Variants in NLRX1 observed in about 807,000 individuals in gnomAD.
The protein encoded by NLRX1 is NLR family member X1, also known as NOD-like receptor X1.
Under a neutral mutation model 74.2 loss-of-function variants are expected in NLRX1, and 67 were observed. The observed-to-expected ratio is 0.90, with a 90% CI of 0.74 to 1.11. NLRX1 has a LOEUF of 1.11. Ranked by LOEUF, NLRX1 falls within the 50% of genes least tolerant of loss-of-function variation. NLRX1 has a pLI of 0.00. For missense variants in NLRX1, 1,191 were observed against 1,305.4 expected (o/e 0.91, Z 1.35); for synonymous variants, 506 against 559.1 (o/e 0.91, Z 1.34).
intron 9 of NLRX1, 141 bp from the exon 10 acceptor site, chr11:119,182,977 C>T (rs1948878769): frequency 1.0e-5 from 7 of 688,458 alleles, no homozygotes; most frequent in Non-Finnish European, 1.5e-5. Flanking sequence ...GCAGCCTCCA[C>T]CTCTGGCTCA....
intron 9 of NLRX1, 138 bp from the exon 10 acceptor site, chr11:119,182,980 C>G: frequency 1.4e-6 from 1 of 699,636 alleles, no homozygotes; most frequent in Non-Finnish European, 2.4e-6. Flanking sequence ...GCCTCCACCT[C>G]TGGCTCATTG....
intron 1 of NLRX1, among the ~76,000 whole-genome samples, chr11:119,171,052 A>G (rs1948529959): frequency 6.6e-6 from 1 of 152,206 alleles, no homozygotes; most frequent in Non-Finnish European, 1.5e-5. Context: ...CTGAGGCAGG[A>G]GAATCGCTTG....
In NLRX1 at chr11:119,169,010, C is replaced by A. The variant is rs1466462735; in HGVS notation, c.-341C>A. 1 of 152,250 alleles carries A rather than the reference C, an allele frequency of 6.6e-6. No individual in the cohort carries two copies. Among genetic ancestry groups the A allele is most frequent in the Admixed American group, 6.5e-5 (1 of 15,282 alleles). 9.4% of individuals were successfully genotyped at this position (152,250 alleles called of 1,614,324 possible). A position where few individuals can be genotyped will look rare whatever the true frequency, so the allele number is the denominator to read the frequency against. On this transcript the variant is annotated 5_prime_UTR_variant, in exon 1 of 10. Coordinates refer to ENST00000409109, the MANE Select transcript of NLRX1 (RefSeq NM_001282144.2). ...CCGCCCAGCCGACCCCTCTGGGCCGCGGCCGACGGCTCCCGGAACTGGGCA... is the reference window on the plus strand; with the variant it reads ...CCGCCCAGCCGACCCCTCTGGGCCGAGGCCGACGGCTCCCGGAACTGGGCA...
chr11:119,173,684 C>T lies in NLRX1; in HGVS notation c.435C>T (p.Ala145=), dbSNP rs1383608390. The T allele has an allele frequency of 1.9e-6, 3 of 1,614,094 alleles. No homozygotes were observed. The South Asian group carries it at 3.3e-5, about 18-fold the overall frequency. ...QPPQAGLPPL[A]LSQLFNPDAC... ...CCCAGGCCGGGCTCCCCCCACTGGC[C>T]TTGTCTCAGCTCTTTAACCCGGATG... is the stretch of plus-strand genomic sequence containing the variant. The change falls in exon 5 of 10, where the codon GCC becomes GCT. Residue 145 remains alanine (A), a synonymous_variant. Coordinates refer to ENST00000409109, the MANE Select transcript of NLRX1 (RefSeq NM_001282144.2). The surrounding 1 kb of genome is among the most constrained non-coding windows in gnomAD (Gnocchi z 4.0).
chr11:119,171,302 G>A lies in NLRX1; in HGVS notation c.-48-54G>A, dbSNP rs561858277. The A allele has an allele frequency of 4.5e-5, 58 of 1,285,414 alleles. No individual in the cohort carries two copies. The Admixed American group carries it at 7.5e-4, about 17-fold the overall frequency. The allele number at this position is 1,285,414 out of a possible 1,614,324, so 79.6% of individuals were successfully genotyped here. A position where few individuals can be genotyped will look rare whatever the true frequency, so the allele number is the denominator to read the frequency against. On this transcript the variant is annotated intron_variant, in intron 1 of 9. Transcript: ENST00000409109. ...TCCCTCCTTGGCTGGAATGGGGTTA[G>A]GGGTGCAGGGGAGGAGTGGTGGCAG...
chr11:119,182,925 A>C (rs139534553), intron 9 of NLRX1, among the ~76,000 whole-genome samples, 193 bp from the exon 10 acceptor site: 178 of 151,226 alleles, frequency 1.2e-3, no homozygotes, highest in African/African-American at 2.5e-3. Flanking sequence ...AAAACAAAAA[A>C]AAAAAAGAAT....
In NLRX1 at chr11:119,181,175, C is replaced by T. The variant is rs770408354; in HGVS notation, c.2272C>T (p.Gln758Ter). The T allele has an allele frequency of 2.5e-6, 4 of 1,613,294 alleles. No homozygotes were observed. Among genetic ancestry groups the T allele is most frequent in the Non-Finnish European group, 2.5e-6 (3 of 1,179,688 alleles). ...TCTGGCCACCTTCTGCTCCAGCTTG[C>T]AACTCAACAGCCTGGGCCCTGAGGC... is the stretch of plus-strand genomic sequence containing the variant. The part of the protein sequence containing the change: ...VFLRARKLGL[Q>*]LNSLGPEACK... Residue 758 changes from glutamine (Q) to a stop codon, truncating the protein, a stop_gained, in exon 8 of 10, where the codon CAA becomes TAA. Transcript: ENST00000409109. LOFTEE classifies it high-confidence loss of function.
chr11:119,176,018 G>C (rs959291654), intron 6 of NLRX1, among the ~76,000 whole-genome samples: 6 of 152,286 alleles, frequency 3.9e-5, no homozygotes, highest in Admixed American at 2.6e-4. Context: ...AAAGTAACTT[G>C]TCCAAGATCA....
At position 119,173,884 on chromosome 11, in the gene NLRX1, T is replaced by C; in HGVS notation, c.635T>C (p.Leu212Pro). 6.2e-7 allele frequency: 1 copy of C among 1,613,500 alleles called. No individual in the cohort carries two copies. Among genetic ancestry groups the C allele is most frequent in the Non-Finnish European group, 8.5e-7 (1 of 1,180,028 alleles). ...LSSLGPAPAS[L>P]CQLVAQRYTP... ...TCCCTGGGCCCTGCCCCAGCCTCCC[T>C]GTGCCAACTTGTGGCCCAGCGCTAC... The change falls in exon 5 of 10, where the codon CTG becomes CCG. Residue 212 changes from leucine to proline, a missense_variant. Leu to Pro is a moderately conservative substitution (Grantham distance 98). Coordinates refer to ENST00000409109, the MANE Select transcript of NLRX1 (RefSeq NM_001282144.2). This position sits in a 1 kb window ranked among gnomAD's most constrained non-coding sequence, Gnocchi z 4.0.
rs376539941 is a variant in NLRX1 at position 119,182,236 on chromosome 11, C to A, written c.2497C>A (p.Arg833Ser). The part of the protein sequence containing the change: ...GLELLAAQLD[R>S]NRQLQELNVA... ...GGAGCTGCTGGCTGCCCAGCTGGAC[C>A]GCAACCGGCAGCTGCAGGAGCTGAA... The change falls in exon 9 of 10, where the codon CGC (arginine) becomes AGC (serine). Residue 833 changes from arginine (R) to serine (S), a missense_variant. Physicochemically the swap from Arg to Ser is moderately radical, Grantham distance 110 (BLOSUM62 -1). Coordinates refer to ENST00000409109, the MANE Select transcript of NLRX1 (RefSeq NM_001282144.2). 4.0e-5 allele frequency: 64 copies of A among 1,613,718 alleles called. No individual in the cohort carries two copies. In the Admixed American group the frequency reaches 1.1e-3, roughly 26 times the overall value.
chr11:119,178,857 A>T (rs1489630115), intron 6 of NLRX1, among the ~76,000 whole-genome samples: 2 of 151,930 alleles, frequency 1.3e-5, no homozygotes, highest in Non-Finnish European at 2.9e-5. Flanking sequence ...AATTAAGAAA[A>T]TTTTTTTAAT....
chr11:119,181,272 A>C lies in NLRX1; in HGVS notation c.2354+15A>C, dbSNP rs201301768. On this transcript the variant is annotated intron_variant, in intron 8 of 9. Transcript: ENST00000409109. ...ACCACACTGCGGTGAGTGACCTGGG[A>C]GTGGGGCATCCTGGTGGCCAGCTAA... is the stretch of plus-strand genomic sequence containing the variant. 188 of 1,606,000 alleles carry C rather than the reference A, an allele frequency of 1.2e-4. 2 individuals are homozygous for C. In the East Asian group the frequency reaches 2.5e-3, roughly 21 times the overall value.
At chr11:119,181,648 A>G (rs543423256) in intron 8 of NLRX1, among the ~76,000 whole-genome samples, 1 of 152,228 alleles carries the variant, frequency 6.6e-6, no homozygotes, top group South Asian at 2.1e-4. Flanking sequence ...TATGTGGGGA[A>G]CCTGAGCTCC....
chr11:119,180,578 G>A (rs1948812205), intron 7 of NLRX1, among the ~76,000 whole-genome samples: 1 of 152,058 alleles, frequency 6.6e-6, no homozygotes, highest in African/African-American at 2.4e-5. Flanking sequence ...GTGCATGCCT[G>A]TAATCCCAGC....
At chr11:119,182,027 C>G in intron 8 of NLRX1, 67 bp from the exon 9 acceptor site, 1 of 1,575,854 alleles carries the variant, frequency 6.3e-7, no homozygotes, top group Non-Finnish European at 8.6e-7. Context: ...CTGCCAGTAC[C>G]ACCCCCAACC....
At chr11:119,176,868 G>C (rs1478618864) in intron 6 of NLRX1, among the ~76,000 whole-genome samples, 2 of 152,130 alleles carry the variant, frequency 1.3e-5, no homozygotes, top group Non-Finnish European at 2.9e-5. Flanking sequence ...TAAGGGCTAA[G>C]AACAGGGATT....
rs1170718765 is a variant in NLRX1, at chr11:119,173,075, G to T, written c.229+86G>T. On this transcript the variant is annotated intron_variant, in intron 4 of 9. Transcript: ENST00000409109. The surrounding 1 kb of genome is among the most constrained non-coding windows in gnomAD (Gnocchi z 4.0). ...GAAGCAGGGTGAGGGAGGCATAGAG[G>T]ATCCACTGCCATCTTCCATCGGTGG... 2 of 1,016,396 alleles carry T rather than the reference G, an allele frequency of 2.0e-6. No homozygotes were observed. The highest frequency in any genetic ancestry group is 1.6e-5 in the African/African-American group (1 of 63,170). 63.0% of individuals were successfully genotyped at this position (1,016,396 alleles called of 1,614,324 possible). A position where few individuals can be genotyped will look rare whatever the true frequency, so the allele number is the denominator to read the frequency against.
In NLRX1 at chr11:119,173,747, G is replaced by A; in HGVS notation, c.498G>A (p.Gly166=). 1 of 1,613,806 alleles carries A rather than the reference G, an allele frequency of 6.2e-7. No homozygotes were observed. Among genetic ancestry groups the A allele is most frequent in the Non-Finnish European group, 8.5e-7 (1 of 1,180,028 alleles). The change falls in exon 5 of 10, where the codon GGG becomes GGA. Residue 166 remains glycine (G), a synonymous_variant. Transcript: ENST00000409109. The surrounding 1 kb of genome is among the most constrained non-coding windows in gnomAD (Gnocchi z 4.0). ...GRRVQTVVLY[G]TVGTGKSTLV... Reference sequence around the variant, plus strand: ...GGGTGCAGACAGTGGTGCTGTATGGGACAGTGGGCACAGGCAAGAGCACGC... The same window carrying A: ...GGGTGCAGACAGTGGTGCTGTATGGAACAGTGGGCACAGGCAAGAGCACGC...
At position 119,180,188 on chromosome 11, in the gene NLRX1, G is replaced by T; in HGVS notation, c.2167G>T (p.Gly723Ter). Residue 723 changes from glycine to a stop codon, truncating the protein, a stop_gained, in exon 7 of 10, where the codon GGA (glycine) becomes TGA (stop). Coordinates refer to ENST00000409109, the MANE Select transcript of NLRX1 (RefSeq NM_001282144.2). LOFTEE classifies it high-confidence loss of function. ...CTVVAAVLGSGRHALDEVNLA... is the reference protein window; with the variant it reads ...CTVVAAVLGS ...AGTGGTGGCAGCTGTGCTGGGCAGC[G>T]GAAGGCATGCCCTGGATGAGGTGAA... 1 of 1,612,890 alleles carries T rather than the reference G, an allele frequency of 6.2e-7. No individual in the cohort carries two copies. Among genetic ancestry groups the T allele is most frequent in the Non-Finnish European group, 8.5e-7 (1 of 1,179,312 alleles).
Sources: allele counts gnomAD v4.1 joint callset (sites outside exome capture counted in the v4.1 genomes callset), GRCh38; gene constraint gnomAD v4.1.1; non-coding constraint Gnocchi (gnomAD v3.1); transcripts MANE v1.5; gene names NCBI Gene and HGNC (gene_info 2026-07-23, HGNC 2026-07-21).